The following C7orf78 variants were observed in gnomAD, a reference collection of about 807,000 sequenced individuals.
C7orf78 encodes the protein putative uncharacterized protein C7orf78.
chr7:12,487,318 GA>G, the C7orf78 span, among the ~76,000 whole-genome samples: 6 of 151,966 alleles, frequency 3.9e-5, no homozygotes, highest in African/African-American at 1.4e-4. Context: ...CTTTGAGATT[GA>G]AATCCATAGA....
the C7orf78 span, among the ~76,000 whole-genome samples, chr7:12,497,482 C>T: frequency 3.2e-4 from 2 of 6,280 alleles, no homozygotes; most frequent in Non-Finnish European, 6.9e-4. Flanking sequence ...CCTGGAGAAT[C>T]GGGAAAATCG....
the C7orf78 span, chr7:12,523,299 T>A: frequency 2.5e-6 from 1 of 398,344 alleles, no homozygotes; most frequent in African/African-American, 2.1e-5. Flanking sequence ...CCTAAGGAGG[T>A]TACAGCTCCT....
At chr7:12,540,691 T>C in the C7orf78 span, among the ~76,000 whole-genome samples, 10 of 152,344 alleles carry the variant, frequency 6.6e-5, no homozygotes, top group Non-Finnish European at 1.2e-4. Context: ...AGAGTATAGT[T>C]CTACTTCCAC....
chr7:12,539,157 C>G, the C7orf78 span, among the ~76,000 whole-genome samples: 1,662 of 152,220 alleles, frequency 0.011, 16 homozygotes, highest in East Asian at 0.031. Context: ...GGTAGTGATG[C>G]CTCCTTTAAA....
chr7:12,534,871 T>C, the C7orf78 span, among the ~76,000 whole-genome samples: 33 of 152,056 alleles, frequency 2.2e-4, no homozygotes, highest in South Asian at 6.7e-3. Flanking sequence ...GGAGATTTAC[T>C]TGAGCCCAGA....
the C7orf78 span, among the ~76,000 whole-genome samples, chr7:12,528,344 T>A: frequency 6.6e-6 from 1 of 151,726 alleles, no homozygotes; most frequent in East Asian, 1.9e-4. Flanking sequence ...GCTGTGTAAT[T>A]GAAATGGAAC....
chr7:12,503,135 A>G, the C7orf78 span, among the ~76,000 whole-genome samples: 1 of 137,842 alleles, frequency 7.3e-6, no homozygotes, highest in Non-Finnish European at 1.6e-5. Context: ...CTAATGCTAG[A>G]TGACGAGTTA....
chr7:12,518,969 A>G, the C7orf78 span, among the ~76,000 whole-genome samples: 1 of 152,232 alleles, frequency 6.6e-6, no homozygotes, highest in East Asian at 1.9e-4. Context: ...GATGTGCACT[A>G]GAGTACAGAA....
At chr7:12,501,389 G>C in the C7orf78 span, among the ~76,000 whole-genome samples, 1 of 150,720 alleles carries the variant, frequency 6.6e-6, no homozygotes, top group African/African-American at 2.4e-5. Flanking sequence ...AAAGTCTCAG[G>C]ATACAAAATC....
the C7orf78 span, among the ~76,000 whole-genome samples, chr7:12,535,636 A>G: frequency 6.6e-6 from 1 of 152,188 alleles, no homozygotes; most frequent in African/African-American, 2.4e-5. Flanking sequence ...AATTAACTCA[A>G]AAGTCCACGG....
At chr7:12,511,989 A>G in the C7orf78 span, among the ~76,000 whole-genome samples, 5 of 127,774 alleles carry the variant, frequency 3.9e-5, no homozygotes, top group Admixed American at 9.8e-5. Flanking sequence ...GTTAGCCAGG[A>G]TGGTCTCGAT....
At chr7:12,525,233 GT>G in the C7orf78 span, among the ~76,000 whole-genome samples, 2 of 151,962 alleles carry the variant, frequency 1.3e-5, no homozygotes, top group African/African-American at 4.8e-5. Flanking sequence ...CCTTTGTGAT[GT>G]TTTATTTGAT....
the C7orf78 span, among the ~76,000 whole-genome samples, chr7:12,497,339 A>C: frequency 6.6e-6 from 1 of 152,218 alleles, no homozygotes; most frequent in East Asian, 1.9e-4. Context: ...AGAGAGTGCC[A>C]GACAGTGGGC....
chr7:12,532,009 C>A, the C7orf78 span, among the ~76,000 whole-genome samples: 3 of 152,140 alleles, frequency 2.0e-5, no homozygotes, highest in Non-Finnish European at 4.4e-5. Flanking sequence ...GGCCACCCCA[C>A]CCTAATCTTA....
At chr7:12,496,216 C>T in the C7orf78 span, among the ~76,000 whole-genome samples, 2 of 152,120 alleles carry the variant, frequency 1.3e-5, no homozygotes, top group Admixed American at 6.5e-5. Flanking sequence ...TGAGCCACCT[C>T]GTCTGGCTGA....
At chr7:12,513,089 G>A in the C7orf78 span, among the ~76,000 whole-genome samples, 2 of 151,652 alleles carry the variant, frequency 1.3e-5, no homozygotes, top group East Asian at 1.9e-4. Context: ...GTGGTTCATC[G>A]ATTTTATCTA....
the C7orf78 span, among the ~76,000 whole-genome samples, chr7:12,499,827 G>C: frequency 3.4e-5 from 5 of 148,654 alleles, no homozygotes; most frequent in African/African-American, 1.2e-4. Flanking sequence ...CACATACTTG[G>C]AAGTAAAGCT....
At chr7:12,523,707 A>G in the C7orf78 span, among the ~76,000 whole-genome samples, 1 of 152,182 alleles carries the variant, frequency 6.6e-6, no homozygotes. Flanking sequence ...TCAAGAGAAC[A>G]GGTTGGGTTT....
the C7orf78 span, among the ~76,000 whole-genome samples, chr7:12,538,795 T>C: frequency 6.6e-6 from 1 of 152,094 alleles, no homozygotes; most frequent in Non-Finnish European, 1.5e-5. Flanking sequence ...CTTTCCCCTT[T>C]CCCTCACGTT....
Sources: gnomAD v4.1 joint callset for allele counts (sites outside exome capture counted in the v4.1 genomes callset) on GRCh38, gnomAD v4.1.1 for gene constraint, MANE v1.5 for transcripts, NCBI Gene and HGNC (gene_info 2026-07-23, HGNC 2026-07-21) for gene names.